The following ICAM5 variants were observed in gnomAD, a reference collection of about 807,000 sequenced individuals.
ICAM5 encodes the protein intercellular adhesion molecule 5.
Under a neutral mutation model 78.8 loss-of-function variants are expected in ICAM5, and 38 were observed. The observed-to-expected ratio is 0.48, with a 90% CI of 0.37 to 0.63. ICAM5 has a LOEUF of 0.63. Among genes scored for constraint, ICAM5 ranks in the 30% least tolerant of loss-of-function variants. The pLI, the probability that ICAM5 is intolerant of heterozygous loss-of-function variation, is 0.00. For missense variants in ICAM5, 1,059 were observed against 1,303.0 expected (o/e 0.81, Z 2.88); for synonymous variants, 544 against 590.9 (o/e 0.92, Z 1.15).
chr19:10,291,415 G>A lies in ICAM5; in HGVS notation c.352+74G>A, dbSNP rs544677082. The A allele has an allele frequency of 8.1e-6, 13 of 1,608,596 alleles. No homozygotes were observed. In the African/African-American group the frequency reaches 1.3e-4, roughly 17 times the overall value. On this transcript the variant is annotated intron_variant, in intron 2 of 10. Coordinates refer to ENST00000221980, the MANE Select transcript of ICAM5 (RefSeq NM_003259.4). ...CAGGCCCCGCCCCCTGGGTCCCAGG[G>A]TCCTCCCCTTCAGGCCCCACCTTCT...
chr19:10,295,975 G>A (rs1348966644), intron 10 of ICAM5, among the ~76,000 whole-genome samples: 1 of 152,056 alleles, frequency 6.6e-6, no homozygotes, highest in African/African-American at 2.4e-5. Flanking sequence ...GGAGAGAGGG[G>A]TCAAGATCGC....
chr19:10,290,826 C>G lies in ICAM5; in HGVS notation c.83-246C>G. 5.2e-6 allele frequency: 3 copies of G among 582,178 alleles called. No individual in the cohort carries two copies. The highest frequency in any genetic ancestry group is 9.1e-6 in the Non-Finnish European group (3 of 329,550). 36.1% of individuals were successfully genotyped at this position (582,178 alleles called of 1,614,324 possible). A position where few individuals can be genotyped will look rare whatever the true frequency, so the allele number is the denominator to read the frequency against. ...ACGCCCTCCCCCCATGCTTTCCCGCCGCTCCATCGGCGCTTTGGAGACCAT... is the reference window on the plus strand; with the variant it reads ...ACGCCCTCCCCCCATGCTTTCCCGCGGCTCCATCGGCGCTTTGGAGACCAT... On this transcript the variant is annotated intron_variant, in intron 1 of 10. Transcript: ENST00000221980. This position sits in a 1 kb window ranked among gnomAD's most constrained non-coding sequence, Gnocchi z 5.7.
Position 10,290,369 on chromosome 19 carries a change from G to C in ICAM5, c.82+244G>C. 2.2e-6 allele frequency: 1 copy of C among 461,024 alleles called. No individual in the cohort carries two copies. The highest frequency in any genetic ancestry group is 3.6e-5 in the East Asian group (1 of 27,882). 28.6% of individuals were successfully genotyped at this position (461,024 alleles called of 1,614,324 possible). ...GGTGTTCTTCCGCACCCAACCCTTC[G>C]CCCTGGAGACCCAGTGTCTCTCCTG... On this transcript the variant is annotated intron_variant, in intron 1 of 10. Coordinates refer to ENST00000221980, the MANE Select transcript of ICAM5 (RefSeq NM_003259.4). The surrounding 1 kb of genome is among the most constrained non-coding windows in gnomAD (Gnocchi z 5.7).
chr19:10,295,402 G>A lies in ICAM5; in HGVS notation c.2287G>A (p.Gly763Arg). ...ASPPGGVRPGGNFTLTCRAEA... is the reference protein window; with the variant it reads ...ASPPGGVRPGRNFTLTCRAEA... ...GCCCCCTGGAGGCGTGCGCCCAGGAGGAAACTTCACGTTGACCTGCCGCGC... is the reference window on the plus strand; with the variant it reads ...GCCCCCTGGAGGCGTGCGCCCAGGAAGAAACTTCACGTTGACCTGCCGCGC... Residue 763 changes from glycine to arginine, a missense_variant, in exon 10 of 11, where the codon GGA becomes AGA. By Grantham distance (125) the Gly-to-Arg change is moderately radical (BLOSUM62 -2). Transcript: ENST00000221980. 1 of 1,605,186 alleles carries A rather than the reference G, an allele frequency of 6.2e-7. No homozygotes were observed. Among genetic ancestry groups the A allele is most frequent in the Non-Finnish European group, 8.5e-7 (1 of 1,177,624 alleles).
chr19:10,294,283 G>A lies in ICAM5; in HGVS notation c.1955G>A (p.Gly652Asp). The change falls in exon 8 of 11, where the codon GGC becomes GAC. Residue 652 changes from glycine (G) to aspartate (D), a missense_variant. Coordinates refer to ENST00000221980, the MANE Select transcript of ICAM5 (RefSeq NM_003259.4). This position sits in a 1 kb window ranked among gnomAD's most constrained non-coding sequence, Gnocchi z 7.7. ...IYVCNATNRH[G>D]SVAKTVVVSA... ...GTCTGCAACGCCACCAACCGCCACG[G>A]CTCCGTGGCCAAAACAGTCGTCGTG... is the stretch of plus-strand genomic sequence containing the variant. 6.2e-7 allele frequency: 1 copy of A among 1,613,432 alleles called. No individual in the cohort carries two copies. The highest frequency in any genetic ancestry group is 8.5e-7 in the Non-Finnish European group (1 of 1,179,900).
At position 10,292,823 on chromosome 19, in the gene ICAM5, G is replaced by A. The variant is rs1196014915; in HGVS notation, c.1173G>A (p.Gly391=). ...GCGACGCCACCCTCGATGTGGACGG[G>A]GAGACCCTGATCAAGAACAGGAGCG... ...FFCDATLDVD[G]ETLIKNRSAE... Residue 391 remains glycine, a synonymous_variant, in exon 5 of 11, where the codon GGG becomes GGA. Transcript: ENST00000221980. The A allele has an allele frequency of 6.2e-7, 1 of 1,613,290 alleles. No individual in the cohort carries two copies.
chr19:10,296,437 A>G lies in ICAM5; in HGVS notation c.2596A>G (p.Lys866Glu), dbSNP rs865810870. 1.5e-6 allele frequency: 2 copies of G among 1,328,406 alleles called. No homozygotes were observed. Among genetic ancestry groups the G allele is most frequent in the Non-Finnish European group, 1.9e-6 (2 of 1,026,124 alleles). 82.3% of individuals were successfully genotyped at this position (1,328,406 alleles called of 1,614,324 possible). The change falls in exon 11 of 11, where the codon AAG becomes GAG. Residue 866 changes from lysine to glutamate, a missense_variant. Physicochemically the swap from Lys to Glu is moderately conservative, Grantham distance 56. Transcript: ENST00000221980. ...LAFYVQSTACKKGEYNVQEAE... is the reference protein window; with the variant it reads ...LAFYVQSTACEKGEYNVQEAE... Reference sequence around the variant, plus strand: ...CTTCTACGTGCAGTCCACCGCCTGCAAGAAGGGCGAGTACAACGTGCAGGA... The same window carrying G: ...CTTCTACGTGCAGTCCACCGCCTGCGAGAAGGGCGAGTACAACGTGCAGGA...
rs1391163973 is a variant in ICAM5 at position 10,293,791 on chromosome 19, C to G, written c.1559C>G (p.Pro520Arg). The G allele has an allele frequency of 6.2e-7, 1 of 1,613,664 alleles. No homozygotes were observed. Among genetic ancestry groups the G allele is most frequent in the African/African-American group, 1.3e-5 (1 of 74,930 alleles). ...ASLSCVAHGVPPPDVICVRSG... is the reference protein window; with the variant it reads ...ASLSCVAHGVRPPDVICVRSG... ...CTGAGCTGTGTGGCGCACGGGGTAC[C>G]GCCGCCTGATGTGATCTGCGTGCGC... Residue 520 changes from proline to arginine, a missense_variant, in exon 7 of 11, where the codon CCG becomes CGG. This residue lies in a region of ICAM5 where 815 missense variants were observed against 952.8 expected (regional missense o/e 0.86). Coordinates refer to ENST00000221980, the MANE Select transcript of ICAM5 (RefSeq NM_003259.4). This position sits in a 1 kb window ranked among gnomAD's most constrained non-coding sequence, Gnocchi z 5.0.
rs2040190811 is a variant in ICAM5 at position 10,293,198 on chromosome 19, G to A, written c.1417G>A (p.Ala473Thr). ...CTCAGGCACTTACCGCTGCAAGGCG[G>A]CCAATGATCAAGGCGAGGCGGTCAA... ...ALSGTYRCKA[A>T]NDQGEAVKDV... The change falls in exon 6 of 11, where the codon GCC becomes ACC. Residue 473 changes from alanine to threonine, a missense_variant. Transcript: ENST00000221980. The surrounding 1 kb of genome is among the most constrained non-coding windows in gnomAD (Gnocchi z 5.0). 1.2e-6 allele frequency: 2 copies of A among 1,607,960 alleles called. No individual in the cohort carries two copies. The highest frequency in any genetic ancestry group is 1.7e-5 in the Admixed American group (1 of 58,964).
At chr19:10,292,428 A>AG (rs36081155) in intron 4 of ICAM5, 106 bp downstream of exon 4, 546,245 of 1,359,720 alleles carry the variant, frequency 0.4, 117,624 homozygotes, top group Admixed American at 0.54. Flanking sequence ...GCGTGGCCCG[A>AG]GGGGCGGGGC....
chr19:10,290,734 C>A lies in ICAM5; in HGVS notation c.83-338C>A. ...CCTGAGAACTGGTTCATCCCCCATC[C>A]CCCATCCCGGGTCCCCTTCTCTCAG... is the stretch of plus-strand genomic sequence containing the variant. On this transcript the variant is annotated intron_variant, in intron 1 of 10. Transcript: ENST00000221980. This position sits in a 1 kb window ranked among gnomAD's most constrained non-coding sequence, Gnocchi z 5.7. 1 of 410,410 alleles carries A rather than the reference C, an allele frequency of 2.4e-6. No individual in the cohort carries two copies. The highest frequency in any genetic ancestry group is 4.1e-5 in the Admixed American group (1 of 24,456). 25.4% of individuals were successfully genotyped at this position (410,410 alleles called of 1,614,324 possible).
In ICAM5 at chr19:10,291,293, C is replaced by A; in HGVS notation, c.304C>A (p.Arg102Ser). The change falls in exon 2 of 11, where the codon CGC (arginine) becomes AGC (serine). Residue 102 changes from arginine to serine, a missense_variant. Arg to Ser is a moderately radical substitution (Grantham distance 110). Transcript: ENST00000221980. ...EPETQPVCFFRCARRTLQARG... is the reference protein window; with the variant it reads ...EPETQPVCFFSCARRTLQARG... Reference sequence around the variant, plus strand: ...GGAGACTCAGCCCGTCTGCTTCTTCCGCTGCGCGCGGCGCACACTACAGGC... The same window carrying A: ...GGAGACTCAGCCCGTCTGCTTCTTCAGCTGCGCGCGGCGCACACTACAGGC... 1.2e-6 allele frequency: 2 copies of A among 1,612,462 alleles called. No homozygotes were observed. The highest frequency in any genetic ancestry group is 1.7e-6 in the Non-Finnish European group (2 of 1,179,820).
Position 10,291,315 on chromosome 19 carries a change from A to G in ICAM5, c.326A>G (p.Gln109Arg). 1 of 1,610,388 alleles carries G rather than the reference A, an allele frequency of 6.2e-7. No homozygotes were observed. Among genetic ancestry groups the G allele is most frequent in the Non-Finnish European group, 8.5e-7 (1 of 1,178,256 alleles). Residue 109 changes from glutamine to arginine, a missense_variant, in exon 2 of 11, where the codon CAG (glutamine) becomes CGG (arginine). By Grantham distance (43) the Gln-to-Arg change is conservative. This residue lies in a region of ICAM5 where 815 missense variants were observed against 952.8 expected (regional missense o/e 0.86). Coordinates refer to ENST00000221980, the MANE Select transcript of ICAM5 (RefSeq NM_003259.4). Reference sequence around the variant, plus strand: ...TTCCGCTGCGCGCGGCGCACACTACAGGCGCGTGGGCTCATTCGCACTTTC... The same window carrying G: ...TTCCGCTGCGCGCGGCGCACACTACGGGCGCGTGGGCTCATTCGCACTTTC... ...CFFRCARRTLQARGLIRTFQR... is the reference protein window; with the variant it reads ...CFFRCARRTLRARGLIRTFQR...
chr19:10,294,516 C>T lies in ICAM5; in HGVS notation c.2106C>T (p.Cys702=). The T allele has an allele frequency of 2.5e-6, 4 of 1,608,306 alleles. No homozygotes were observed. The highest frequency in any genetic ancestry group is 3.4e-6 in the Non-Finnish European group (4 of 1,176,790). Residue 702 remains cysteine, a synonymous_variant, in exon 9 of 11, where the codon TGC becomes TGT. Transcript: ENST00000221980. This position sits in a 1 kb window ranked among gnomAD's most constrained non-coding sequence, Gnocchi z 7.7. Reference sequence around the variant, plus strand: ...GTCGCCCTTCCCCAGGAGTGCGCTGCTCTCGGGAAGGCATCCCATGGCCTG... The same window carrying T: ...GTCGCCCTTCCCCAGGAGTGCGCTGTTCTCGGGAAGGCATCCCATGGCCTG... ...ARGRPSPGVR[C]SREGIPWPEQ...
At position 10,295,463 on chromosome 19, in the gene ICAM5, C is replaced by A; in HGVS notation, c.2348C>A (p.Ala783Glu). ...AWPPAQISWR[A>E]PPGALNIGLS... ...CCTCCAGCCCAGATCAGCTGGCGCGCGCCCCCGGGGGCCCTCAACATCGGC... is the reference window on the plus strand; with the variant it reads ...CCTCCAGCCCAGATCAGCTGGCGCGAGCCCCCGGGGGCCCTCAACATCGGC... Residue 783 changes from alanine to glutamate, a missense_variant, in exon 10 of 11, where the codon GCG becomes GAG. Ala to Glu is a moderately radical substitution (Grantham distance 107). This residue lies in a region of ICAM5 where 135 missense variants were observed against 230.2 expected (regional missense o/e 0.59). Coordinates refer to ENST00000221980, the MANE Select transcript of ICAM5 (RefSeq NM_003259.4). The A allele has an allele frequency of 1.3e-6, 2 of 1,594,428 alleles. No homozygotes were observed. The highest frequency in any genetic ancestry group is 2.3e-5 in the East Asian group (1 of 43,406).
Position 10,294,209 on chromosome 19 carries a change from T to G in ICAM5, c.1881T>G (p.Pro627=). Residue 627 remains proline (P), a synonymous_variant, in exon 8 of 11, where the codon CCT becomes CCG. Coordinates refer to ENST00000221980, the MANE Select transcript of ICAM5 (RefSeq NM_003259.4). This position sits in a 1 kb window ranked among gnomAD's most constrained non-coding sequence, Gnocchi z 7.7. Reference sequence around the variant, plus strand: ...TGCTGCCGCTGGCACCCCCAGACCCTAGTCCCAGAGCTCCCAGAATCCCTA... The same window carrying G: ...TGCTGCCGCTGGCACCCCCAGACCCGAGTCCCAGAGCTCCCAGAATCCCTA... The part of the protein sequence containing the change: ...GVLLPLAPPD[P]SPRAPRIPRV... 1 of 1,614,020 alleles carries G rather than the reference T, an allele frequency of 6.2e-7. No individual in the cohort carries two copies. The highest frequency in any genetic ancestry group is 8.5e-7 in the Non-Finnish European group (1 of 1,180,010).
chr19:10,296,507 G>A lies in ICAM5; in HGVS notation c.2666G>A (p.Gly889Asp), dbSNP rs1304347264. The A allele has an allele frequency of 8.2e-7, 1 of 1,222,998 alleles. No homozygotes were observed. The highest frequency in any genetic ancestry group is 1.0e-6 in the Non-Finnish European group (1 of 966,372). 75.8% of individuals were successfully genotyped at this position (1,222,998 alleles called of 1,614,324 possible). ...GCCGTGTGTCTGAACGGAGCGGGCG[G>A]CGGCGCTGGCGGGGCGGCAGGCGCG... ...GEAVCLNGAG[G>D]GAGGAAGAEG... Residue 889 changes from glycine (G) to aspartate (D), a missense_variant, in exon 11 of 11, where the codon GGC (glycine) becomes GAC (aspartate). Transcript: ENST00000221980.
Position 10,294,359 on chromosome 19 carries a change from C to G in ICAM5, c.1990+41C>G. 6.2e-7 allele frequency: 1 copy of G among 1,612,080 alleles called. No homozygotes were observed. The highest frequency in any genetic ancestry group is 1.3e-5 in the African/African-American group (1 of 75,000). ...GCGGGTAGGGAGCAGGGGTGCCCCACGGTCCAGGCACTCCCTGACATCCCC... is the reference window on the plus strand; with the variant it reads ...GCGGGTAGGGAGCAGGGGTGCCCCAGGGTCCAGGCACTCCCTGACATCCCC... On this transcript the variant is annotated intron_variant, in intron 8 of 10. Coordinates refer to ENST00000221980, the MANE Select transcript of ICAM5 (RefSeq NM_003259.4). The surrounding 1 kb of genome is among the most constrained non-coding windows in gnomAD (Gnocchi z 7.7).
In ICAM5 at chr19:10,289,971, G is replaced by T. The variant is rs761479064; in HGVS notation, c.-73G>T. ...TCCCCCACACCCCACCCGCCGCGCC[G>T]CGCGGAGCCGTCCTCTAGCCCAGCT... On this transcript the variant is annotated 5_prime_UTR_variant, in exon 1 of 11. Transcript: ENST00000221980. 61 of 1,197,520 alleles carry T rather than the reference G, an allele frequency of 5.1e-5. No homozygotes were observed. The highest frequency in any genetic ancestry group is 6.3e-5 in the Non-Finnish European group (56 of 887,362). The allele number at this position is 1,197,520 out of a possible 1,614,324, so 74.2% of individuals were successfully genotyped here.
Sources: gnomAD v4.1 joint callset for allele counts (sites outside exome capture counted in the v4.1 genomes callset) on GRCh38, gnomAD v4.1.1 for gene constraint, gnomAD v4.1.1 regional missense constraint, Gnocchi (gnomAD v3.1) non-coding constraint, MANE v1.5 for transcripts, NCBI Gene and HGNC (gene_info 2026-07-23, HGNC 2026-07-21) for gene names.